Variants in SH3BP4 observed in about 807,000 individuals in gnomAD.
SH3BP4 encodes the protein SH3 domain-binding protein 4.
Under a neutral mutation model 65.5 loss-of-function variants are expected in SH3BP4, and 33 were observed. The observed-to-expected ratio is 0.50, with a 90% CI of 0.38 to 0.67. SH3BP4 has a LOEUF of 0.67. Ranked by LOEUF, SH3BP4 falls within the 30% of genes least tolerant of loss-of-function variation. The probability of loss-of-function intolerance (pLI) is 0.00; values close to 1 mark genes in which losing one functional copy is unlikely to be tolerated. For missense variants in SH3BP4, 1,134 were observed against 1,261.4 expected (o/e 0.90, Z 1.53); for synonymous variants, 552 against 545.5 (o/e 1.01, Z -0.17).
At chr2:235,038,350 T>A (rs1443190507) in intron 3 of SH3BP4, among the ~76,000 whole-genome samples, 902 of 3,474 alleles carry the variant, frequency 0.26, 97 homozygotes, top group African/African-American at 0.33. Context: ...TATATATATT[T>A]TATATATATA....
rs1695278685 is a variant in SH3BP4 at position 235,033,772 on chromosome 2, G to A, written c.-132-1099G>A. Reference sequence around the variant, plus strand: ...TGGGGGAAGAGTGGGGATGGTCAGGGCTCCCACCCGGCTGCTGCAGAAACG... The same window carrying A: ...TGGGGGAAGAGTGGGGATGGTCAGGACTCCCACCCGGCTGCTGCAGAAACG... On this transcript the variant is annotated intron_variant, in intron 2 of 5. Coordinates refer to ENST00000392011, the MANE Select transcript of SH3BP4 (RefSeq NM_014521.3). The surrounding 1 kb of genome is among the most constrained non-coding windows in gnomAD (Gnocchi z 5.7). 6.6e-6 allele frequency among the ~76,000 whole-genome samples: 1 copy of A among 152,172 alleles called. No homozygotes were observed. Among genetic ancestry groups the A allele is most frequent in the African/African-American group, 2.4e-5 (1 of 41,436 alleles).
chr2:235,031,412 C>T (rs1157867100), intron 2 of SH3BP4, among the ~76,000 whole-genome samples: 1 of 152,236 alleles, frequency 6.6e-6, no homozygotes. Context: ...TCTTCTGCTC[C>T]CAGGGCGCTG....
At chr2:235,000,372 G>A (rs1424072200) in intron 2 of SH3BP4, among the ~76,000 whole-genome samples, 1 of 152,184 alleles carries the variant, frequency 6.6e-6, no homozygotes, top group Non-Finnish European at 1.5e-5. Flanking sequence ...TTGCCCCTGT[G>A]CCTGACGTTT....
At chr2:235,029,325 C>G (rs1489944169) in intron 2 of SH3BP4, among the ~76,000 whole-genome samples, 1 of 152,096 alleles carries the variant, frequency 6.6e-6, no homozygotes, top group African/African-American at 2.4e-5. Context: ...GGGGCAAGCT[C>G]CAGAGTTGGC....
chr2:234,970,680 G>A (rs11695168), intron 1 of SH3BP4, among the ~76,000 whole-genome samples: 36 of 152,276 alleles, frequency 2.4e-4, no homozygotes, highest in Admixed American at 1.9e-3. Context: ...GCATTCCGCC[G>A]CTAATTCCAG....
At chr2:235,043,414 C>T (rs1457694792) in intron 4 of SH3BP4, among the ~76,000 whole-genome samples, 167 bp downstream of exon 4, 1 of 128,964 alleles carries the variant, frequency 7.8e-6, no homozygotes, top group Non-Finnish European at 1.6e-5. Flanking sequence ...AGCCTTTCGC[C>T]TTCCCAATAT....
chr2:235,052,733 G>A lies in SH3BP4; in HGVS notation c.2650G>A (p.Gly884Arg), dbSNP rs772234315. 2.7e-5 allele frequency: 43 copies of A among 1,600,482 alleles called. No individual in the cohort carries two copies. The highest frequency in any genetic ancestry group is 6.8e-5 in the Admixed American group (4 of 58,622). The change falls in exon 5 of 6, where the codon GGG becomes AGG. Residue 884 changes from glycine to arginine, a missense_variant. By Grantham distance (125) the Gly-to-Arg change is moderately radical. Coordinates refer to ENST00000392011, the MANE Select transcript of SH3BP4 (RefSeq NM_014521.3). The surrounding 1 kb of genome is among the most constrained non-coding windows in gnomAD (Gnocchi z 5.0). ...AYESPHRDRN[G>R]VVDSEAMWKP... ...CGAGTCTCCCCACCGGGACAGGAAC[G>A]GGGTTGTGGACAGCGAGGTGAGCAG... is the stretch of plus-strand genomic sequence containing the variant.
chr2:235,038,303 A>ATATAATATATATTATATAT (rs1695477184), intron 3 of SH3BP4, among the ~76,000 whole-genome samples: 2 of 11,616 alleles, frequency 1.7e-4, no homozygotes, highest in Non-Finnish European at 2.2e-4. Flanking sequence ...TATATATTAT[A>ATATAATATATATTATATAT]TATATATATT....
rs1415639247 is a variant in SH3BP4, at chr2:235,052,181, G to C, written c.2479-381G>C. On this transcript the variant is annotated intron_variant, in intron 4 of 5. Coordinates refer to ENST00000392011, the MANE Select transcript of SH3BP4 (RefSeq NM_014521.3). The surrounding 1 kb of genome is among the most constrained non-coding windows in gnomAD (Gnocchi z 5.0). Reference sequence around the variant, plus strand: ...CCCGTCTCTGCCTCCGTCTTCACACGGCCTTCTTCTCTCTGCCTCTCTGTC... The same window carrying C: ...CCCGTCTCTGCCTCCGTCTTCACACCGCCTTCTTCTCTCTGCCTCTCTGTC... Among the ~76,000 whole-genome samples, 1 of 133,196 alleles carries C rather than the reference G, an allele frequency of 7.5e-6. No homozygotes were observed. The highest frequency in any genetic ancestry group is 2.9e-5 in the African/African-American group (1 of 34,708). The allele number at this position is 133,196 out of a possible 152,430, so 87.4% of individuals were successfully genotyped here. A position where few individuals can be genotyped will look rare whatever the true frequency, so the allele number is the denominator to read the frequency against.
intron 1 of SH3BP4, among the ~76,000 whole-genome samples, chr2:234,959,215 G>A (rs542213812): frequency 7.6e-4 from 116 of 152,282 alleles, no homozygotes; most frequent in African/African-American, 2.7e-3. Flanking sequence ...AGACACACCC[G>A]AGGAACCTGC....
In SH3BP4 at chr2:235,046,276, C is replaced by T. The variant is rs1056971215; in HGVS notation, c.2478+3029C>T. Among the ~76,000 whole-genome samples the T allele has an allele frequency of 9.2e-5, 14 of 152,160 alleles. No individual in the cohort carries two copies. Among genetic ancestry groups the T allele is most frequent in the African/African-American group, 3.1e-4 (13 of 41,428 alleles). On this transcript the variant is annotated intron_variant, in intron 4 of 5. Coordinates refer to ENST00000392011, the MANE Select transcript of SH3BP4 (RefSeq NM_014521.3). The surrounding 1 kb of genome is among the most constrained non-coding windows in gnomAD (Gnocchi z 4.2). Reference sequence around the variant, plus strand: ...TCCATGGTGTTTCTTGAATCAGAAGCGGTTTGTTTTGGCCAGGCATGGAGG... The same window carrying T: ...TCCATGGTGTTTCTTGAATCAGAAGTGGTTTGTTTTGGCCAGGCATGGAGG...
At chr2:234,983,083 A>G (rs907868186) in intron 1 of SH3BP4, among the ~76,000 whole-genome samples, 1 of 152,186 alleles carries the variant, frequency 6.6e-6, no homozygotes, top group Non-Finnish European at 1.5e-5. Flanking sequence ...GCTGCTGAGC[A>G]CTAGTGCAGG....
intron 1 of SH3BP4, among the ~76,000 whole-genome samples, chr2:234,984,563 T>G (rs1187620814): frequency 2.0e-5 from 3 of 152,044 alleles, no homozygotes; most frequent in Non-Finnish European, 1.5e-5. Context: ...TGAGTATAAG[T>G]GTATCTTATT....
intron 2 of SH3BP4, among the ~76,000 whole-genome samples, chr2:235,019,714 G>C (rs984953485): frequency 6.6e-6 from 1 of 151,780 alleles, no homozygotes; most frequent in Non-Finnish European, 1.5e-5. Context: ...GGCATTACAG[G>C]TGTGAGCCAC....
At chr2:234,999,885 A>G (rs1006303032) in intron 2 of SH3BP4, among the ~76,000 whole-genome samples, 1 of 152,234 alleles carries the variant, frequency 6.6e-6, no homozygotes, top group African/African-American at 2.4e-5. Context: ...CCACCAGCAC[A>G]TACCTGGCCC....
At chr2:234,966,023 C>T (rs1160054006) in intron 1 of SH3BP4, among the ~76,000 whole-genome samples, 1 of 152,166 alleles carries the variant, frequency 6.6e-6, no homozygotes, top group African/African-American at 2.4e-5. Flanking sequence ...ATGGTCATCT[C>T]CTGCTCACTA....
Position 234,991,766 on chromosome 2 carries a change from G to A in SH3BP4, c.-206-3537G>A, listed in dbSNP as rs969628508. On this transcript the variant is annotated intron_variant, in intron 1 of 5. Coordinates refer to ENST00000392011, the MANE Select transcript of SH3BP4 (RefSeq NM_014521.3). The surrounding 1 kb of genome is among the most constrained non-coding windows in gnomAD (Gnocchi z 4.2). ...GTTGGGGAAGTGGAAAGGGGCCAGC[G>A]GTCTTGTCCACTGAATCCATCCACT... 1.3e-5 allele frequency among the ~76,000 whole-genome samples: 2 copies of A among 152,078 alleles called. No individual in the cohort carries two copies. The highest frequency in any genetic ancestry group is 2.9e-5 in the Non-Finnish European group (2 of 68,018).
At chr2:235,037,010 A>G (rs936519743) in intron 3 of SH3BP4, among the ~76,000 whole-genome samples, 1 of 152,126 alleles carries the variant, frequency 6.6e-6, no homozygotes, top group African/African-American at 2.4e-5. Flanking sequence ...CGCACATCCC[A>G]GTGATAGACA....
chr2:235,009,642 T>C (rs149414936), intron 2 of SH3BP4, among the ~76,000 whole-genome samples: 1 of 152,228 alleles, frequency 6.6e-6, no homozygotes, highest in Non-Finnish European at 1.5e-5. Flanking sequence ...GTCTTGCCCT[T>C]GACTCTTGCC....
Sources: gnomAD v4.1 joint callset for allele counts (sites outside exome capture counted in the v4.1 genomes callset) on GRCh38, gnomAD v4.1.1 for gene constraint, Gnocchi (gnomAD v3.1) non-coding constraint, MANE v1.5 for transcripts, NCBI Gene and HGNC (gene_info 2026-07-23, HGNC 2026-07-21) for gene names.